DNAH3: variants seen among roughly 807,000 people sequenced by gnomAD.
The protein encoded by DNAH3 is axonemal beta dynein heavy chain 3.
Under a neutral mutation model 432.5 loss-of-function variants are expected in DNAH3, and 332 were observed. The observed-to-expected ratio is 0.77, with a 90% CI of 0.70 to 0.84. The LOEUF (loss-of-function observed/expected upper bound fraction) is 0.84, where lower values mean the gene tolerates loss of function less well. Among genes scored for constraint, DNAH3 ranks in the 40% least tolerant of loss-of-function variants. The pLI is 0.00. For synonymous variants in DNAH3, 1,956 were observed against 1,900.2 expected (o/e 1.03, Z -0.76); for missense variants, 4,861 against 5,114.0 (o/e 0.95, Z 1.51).
chr16:21,036,728 C>G (rs1459198336), exon 35 of DNAH3: 1 of 1,613,942 alleles, frequency 6.2e-7, no homozygotes, highest in Non-Finnish European at 8.5e-7. Context: ...ATAATTTTCC[C>G]TATAAACCAA....
At chr16:20,951,738 ATTTTTTTTT>A (rs869256566) in intron 56 of DNAH3, among the ~76,000 whole-genome samples, 3 of 73,466 alleles carry the variant, frequency 4.1e-5, no homozygotes, top group African/African-American at 5.5e-5. Context: ...CCTGGCCCGT[ATTTTTTTTT>A]TTTTTTTTTT....
exon 7 of DNAH3, chr16:21,134,285 G>C: frequency 6.2e-7 from 1 of 1,613,042 alleles, no homozygotes; most frequent in Non-Finnish European, 8.5e-7. Context: ...CTTTCAGCCT[G>C]AGCATCATGG....
chr16:20,999,194 G>A (rs1365116789), intron 43 of DNAH3, among the ~76,000 whole-genome samples: 1 of 152,158 alleles, frequency 6.6e-6, no homozygotes, highest in Non-Finnish European at 1.5e-5. Flanking sequence ...GTTGGAGGCT[G>A]CAGTGAGCTG....
chr16:21,085,635 G>A (rs974095435), intron 19 of DNAH3, among the ~76,000 whole-genome samples: 2 of 151,764 alleles, frequency 1.3e-5, no homozygotes, highest in African/African-American at 4.8e-5. Context: ...AGACTTTTTG[G>A]GAAACTGAAA....
chr16:21,076,827 A>C (rs2090992912), intron 20 of DNAH3, among the ~76,000 whole-genome samples: 1 of 152,222 alleles, frequency 6.6e-6, no homozygotes, highest in South Asian at 2.1e-4. Context: ...TCTTGATTAA[A>C]AGCCAATTAG....
In DNAH3 at chr16:21,159,341, TCCTC is replaced by T. The variant is rs775270859; in HGVS notation, c.97_100del (p.Glu33LysfsTer16). The T allele has an allele frequency of 6.2e-7, 1 of 1,613,928 alleles. No homozygotes were observed. Among genetic ancestry groups the T allele is most frequent in the South Asian group, 1.1e-5 (1 of 91,072 alleles). Reference sequence around the variant, plus strand: ...CCTCTCCACCTGCATTTCACTCCCTTCCTCCTCTCCTTGGGTCTCCCTGGCTTTT... The same window carrying T: ...CCTCTCCACCTGCATTTCACTCCCTTCTCTCCTTGGGTCTCCCTGGCTTTT... On this transcript the variant is annotated frameshift_variant, in exon 1 of 62. Transcript: ENST00000261383. LOFTEE classifies it high-confidence loss of function.
chr16:21,078,869 A>G (rs1167256546), intron 20 of DNAH3, among the ~76,000 whole-genome samples: 5 of 152,012 alleles, frequency 3.3e-5, no homozygotes, highest in Non-Finnish European at 7.4e-5. Context: ...GCAATATCAC[A>G]CCTCCCTAAA....
chr16:21,014,586 T>C (rs2087771233), intron 41 of DNAH3, among the ~76,000 whole-genome samples: 1 of 152,126 alleles, frequency 6.6e-6, no homozygotes, highest in Non-Finnish European at 1.5e-5. Context: ...TTCAGCATCA[T>C]ACTGGAAGTC....
intron 12 of DNAH3, among the ~76,000 whole-genome samples, chr16:21,112,582 A>T (rs538987558): frequency 5.9e-5 from 9 of 152,284 alleles, no homozygotes; most frequent in Admixed American, 5.9e-4. Flanking sequence ...GCACAGGACA[A>T]AACAGCCCCC....
At chr16:21,025,185 C>A (rs2088480130) in intron 38 of DNAH3, among the ~76,000 whole-genome samples, 1 of 152,078 alleles carries the variant, frequency 6.6e-6, no homozygotes. Context: ...AGTGATCCAT[C>A]CACCTGGGCC....
exon 13 of DNAH3, chr16:21,111,993 C>A: frequency 6.2e-7 from 1 of 1,612,308 alleles, no homozygotes; most frequent in Non-Finnish European, 8.5e-7. Context: ...CATTTCCTAC[C>A]GTCACAAAAT....
rs141267105 is a variant in DNAH3 at position 21,145,044 on chromosome 16, G to A, written c.448+137C>T. 249 of 701,110 alleles carry A rather than the reference G, an allele frequency of 3.6e-4. 3 individuals are homozygous for A. The East Asian group carries it at 5.5e-3, about 16-fold the overall frequency. 43.4% of individuals were successfully genotyped at this position (701,110 alleles called of 1,614,324 possible). A position where few individuals can be genotyped will look rare whatever the true frequency, so the allele number is the denominator to read the frequency against. On this transcript the variant is annotated intron_variant, in intron 3 of 61. Coordinates refer to ENST00000261383, the Ensembl canonical transcript of DNAH3. The stretch of plus-strand genomic sequence containing the variant: ...GGAGAATCACTTGAATCCGGGAGGC[G>A]GAGGTTGCAATGAGCCACGATCGTG...
Position 20,933,526 on chromosome 16 carries a change from A to G in DNAH3, c.11998-19T>C. ...GGGTTACCTGGAAGAATAAAAAGCT[A>G]TGAGCTCCATTGCCTGCCATTTTCC... On this transcript the variant is annotated intron_variant, in intron 61 of 61. Coordinates refer to ENST00000261383, the Ensembl canonical transcript of DNAH3. 3 of 1,545,788 alleles carry G rather than the reference A, an allele frequency of 1.9e-6. No homozygotes were observed. Among genetic ancestry groups the G allele is most frequent in the Non-Finnish European group, 2.6e-6 (3 of 1,145,636 alleles).
At chr16:20,941,660 G>A (rs1420804144) in intron 58 of DNAH3, 117 bp from the exon 59 acceptor site, 1 of 1,309,484 alleles carries the variant, frequency 7.6e-7, no homozygotes, top group Non-Finnish European at 1.0e-6. Flanking sequence ...GGACTTTCCT[G>A]AGAACTCTCC....
At chr16:20,974,467 G>A (rs2085482281) in intron 51 of DNAH3, among the ~76,000 whole-genome samples, 1 of 151,670 alleles carries the variant, frequency 6.6e-6, no homozygotes, top group South Asian at 2.1e-4. Flanking sequence ...GCAGTGGCAC[G>A]ATCCTAGTTC....
chr16:21,112,214 A>G, intron 12 of DNAH3, 116 bp from the exon 13 acceptor site: 2 of 699,898 alleles, frequency 2.9e-6, no homozygotes, highest in Non-Finnish European at 4.8e-6. Flanking sequence ...CCAAGCCAGG[A>G]AAGAGAACTA....
At chr16:21,080,047 A>G (rs1047994256) in intron 20 of DNAH3, among the ~76,000 whole-genome samples, 1 of 152,238 alleles carries the variant, frequency 6.6e-6, no homozygotes, top group African/African-American at 2.4e-5. Flanking sequence ...CTGTAATCCC[A>G]GCACTTTGGG....
intron 3 of DNAH3, among the ~76,000 whole-genome samples, chr16:21,144,812 T>C (rs9889195): frequency 0.47 from 71,392 of 151,830 alleles, 17,284 homozygotes; most frequent in East Asian, 0.68. Flanking sequence ...AGGATCAGAA[T>C]CCAGGAGTAA....
At chr16:21,125,184 C>G in exon 9 of DNAH3, 1 of 1,602,590 alleles carries the variant, frequency 6.2e-7, no homozygotes, top group East Asian at 2.2e-5. Flanking sequence ...CTTTGTGTAT[C>G]ATGAAAAGGG....
Sources: allele counts gnomAD v4.1 joint callset (sites outside exome capture counted in the v4.1 genomes callset), GRCh38; gene constraint gnomAD v4.1.1; transcripts MANE v1.5; gene names NCBI Gene and HGNC (gene_info 2026-07-23, HGNC 2026-07-21).